RCAN1: variants seen among roughly 807,000 people sequenced by gnomAD.
RCAN1 encodes the protein calcipressin-1.
RCAN1 carries 11 observed loss-of-function variants against 22.9 expected under a neutral mutation model. The ratio of observed to expected loss-of-function variants is 0.48; its 90% CI spans 0.30 to 0.79. The LOEUF (loss-of-function observed/expected upper bound fraction) is 0.79, where lower values mean the gene tolerates loss of function less well. Ranked by LOEUF, RCAN1 falls within the 30% of genes least tolerant of loss-of-function variation. RCAN1 has a pLI of 0.06. For missense variants in RCAN1, 291 were observed against 337.8 expected (o/e 0.86, Z 1.09); for synonymous variants, 136 against 142.3 (o/e 0.96, Z 0.32).
chr21:34,570,969 C>G (rs185488436), intron 1 of RCAN1, among the ~76,000 whole-genome samples: 1 of 152,094 alleles, frequency 6.6e-6, no homozygotes, highest in Non-Finnish European at 1.5e-5. Flanking sequence ...TAAAAAGGAT[C>G]TGTTCTTAGA....
chr21:34,526,938 A>G, intron 1 of RCAN1: 1 of 1,404,726 alleles, frequency 7.1e-7, no homozygotes, highest in Non-Finnish European at 9.2e-7. Context: ...TTCCTGAGTC[A>G]AGTCCTGCAT....
chr21:34,570,554 A>G (rs1047839411), intron 1 of RCAN1, among the ~76,000 whole-genome samples: 11 of 152,272 alleles, frequency 7.2e-5, no homozygotes, highest in Middle Eastern at 3.4e-3. Flanking sequence ...CCACATATCC[A>G]TGCTGAGTGG....
intron 1 of RCAN1, among the ~76,000 whole-genome samples, chr21:34,572,856 G>C (rs577494044): frequency 2.1e-4 from 32 of 152,190 alleles, no homozygotes; most frequent in African/African-American, 7.7e-4. Flanking sequence ...CAGCAGGAGA[G>C]AGACAGTGAA....
At chr21:34,574,192 A>G (rs530170701) in intron 1 of RCAN1, among the ~76,000 whole-genome samples, 1 of 152,358 alleles carries the variant, frequency 6.6e-6, no homozygotes, top group Admixed American at 6.5e-5. Flanking sequence ...AGTCATTTGC[A>G]AGGGAGTGGA....
At chr21:34,563,327 A>G (rs1290593487) in intron 1 of RCAN1, among the ~76,000 whole-genome samples, 2 of 152,216 alleles carry the variant, frequency 1.3e-5, no homozygotes, top group African/African-American at 4.8e-5. Context: ...ACAAAATGCA[A>G]TCATATTTAT....
intron 1 of RCAN1, among the ~76,000 whole-genome samples, chr21:34,569,568 G>T (rs1299468692): frequency 2.0e-5 from 3 of 152,164 alleles, no homozygotes; most frequent in Non-Finnish European, 4.4e-5. Flanking sequence ...GCCTACCCTG[G>T]AGTCACTGCC....
chr21:34,524,265 C>T (rs932401304), intron 1 of RCAN1: 6 of 152,792 alleles, frequency 3.9e-5, no homozygotes, highest in Non-Finnish European at 7.3e-5. Context: ...GTTGCCAATA[C>T]ATAGACACTA....
intron 1 of RCAN1, among the ~76,000 whole-genome samples, chr21:34,580,497 G>A (rs186218197): frequency 2.0e-5 from 3 of 152,314 alleles, no homozygotes; most frequent in Admixed American, 2.0e-4. Context: ...CAGCTCACTT[G>A]CCCGGCTATT....
At chr21:34,545,727 A>T (rs1568899385) in intron 1 of RCAN1, among the ~76,000 whole-genome samples, 1 of 152,162 alleles carries the variant, frequency 6.6e-6, no homozygotes, top group Non-Finnish European at 1.5e-5. Context: ...CTCTCCCTAC[A>T]AATGCCAGCA....
At chr21:34,555,912 A>G (rs1230032710) in intron 1 of RCAN1, among the ~76,000 whole-genome samples, 1 of 151,550 alleles carries the variant, frequency 6.6e-6, no homozygotes, top group Non-Finnish European at 1.5e-5. Context: ...AAATACAAAA[A>G]ATTAGCCGGG....
At position 34,614,815 on chromosome 21, in the gene RCAN1, C is replaced by T. The variant is rs756064739; in HGVS notation, c.197G>A (p.Ser66Asn). The T allele has an allele frequency of 2.0e-6, 3 of 1,490,040 alleles. No homozygotes were observed. Among genetic ancestry groups the T allele is most frequent in the South Asian group, 1.2e-5 (1 of 81,006 alleles). 92.3% of individuals were successfully genotyped at this position (1,490,040 alleles called of 1,614,324 possible). A position where few individuals can be genotyped will look rare whatever the true frequency, so the allele number is the denominator to read the frequency against. Residue 66 changes from serine to asparagine, a missense_variant, in exon 1 of 4, where the codon AGC becomes AAC. Physicochemically the swap from Ser to Asn is conservative, Grantham distance 46 (BLOSUM62 1). Transcript: ENST00000313806. This position sits in a 1 kb window ranked among gnomAD's most constrained non-coding sequence, Gnocchi z 6.0. ...MEEVDLQDLP[S>N]ATIACHLDPR... ...GTCCAGGTGACAGGCGATGGTGGCG[C>T]TGGGCAGGTCCTGCAGGTCCACCTC...
At chr21:34,525,840 G>A (rs1195396708) in intron 1 of RCAN1, among the ~76,000 whole-genome samples, 1 of 152,122 alleles carries the variant, frequency 6.6e-6, no homozygotes, top group Non-Finnish European at 1.5e-5. Context: ...CTGCAATCTA[G>A]TCCAAACACT....
Position 34,567,270 on chromosome 21 carries a change from A to C in RCAN1, c.253-43560T>G, listed in dbSNP as rs1387931166. ...CAGCACTTTGGGAGGCCAAGGCGGG[A>C]GGATCAGGAGGTCAGGAGAATCGAG... On this transcript the variant is annotated intron_variant, in intron 1 of 3. Transcript: ENST00000313806. Among the ~76,000 whole-genome samples, 3 of 152,174 alleles carry C rather than the reference A, an allele frequency of 2.0e-5. No homozygotes were observed. The South Asian group carries it at 6.2e-4, about 32-fold the overall frequency.
rs1196558515 is a variant in RCAN1 at position 34,615,088 on chromosome 21, C to G, written c.-77G>C. The G allele has an allele frequency of 4.0e-6, 4 of 999,326 alleles. No homozygotes were observed. Among genetic ancestry groups the G allele is most frequent in the African/African-American group, 1.7e-5 (1 of 57,422 alleles). 61.9% of individuals were successfully genotyped at this position (999,326 alleles called of 1,614,324 possible). A position where few individuals can be genotyped will look rare whatever the true frequency, so the allele number is the denominator to read the frequency against. On this transcript the variant is annotated 5_prime_UTR_variant, in exon 1 of 4. Coordinates refer to ENST00000313806, the MANE Select transcript of RCAN1 (RefSeq NM_004414.7). ...CGCCGGAGCCTCACGCGCTCCGGTC[C>G]GCGCCCGGCCGGCGGCTCCGCCGTT...
At chr21:34,544,875 G>A (rs1986071161) in intron 1 of RCAN1, among the ~76,000 whole-genome samples, 1 of 152,240 alleles carries the variant, frequency 6.6e-6, no homozygotes, top group African/African-American at 2.4e-5. Context: ...GAGGGGTAGT[G>A]AGGGCACCTT....
chr21:34,542,491 C>T (rs55858526), intron 1 of RCAN1, among the ~76,000 whole-genome samples: 23,186 of 152,154 alleles, frequency 0.15, 2,464 homozygotes, highest in Non-Finnish European at 0.23. Context: ...TCCTCACTGG[C>T]AGCTGGTATT....
At chr21:34,523,435 C>G (rs569936158) in intron 2 of RCAN1, 102 bp downstream of exon 2, 21 of 1,134,914 alleles carry the variant, frequency 1.9e-5, no homozygotes, top group African/African-American at 7.8e-5. Context: ...GGTGAAGTCT[C>G]AGAGTTTCCG....
chr21:34,589,725 C>A (rs1255932129), intron 1 of RCAN1, among the ~76,000 whole-genome samples: 3 of 152,040 alleles, frequency 2.0e-5, no homozygotes, highest in Admixed American at 2.0e-4. Flanking sequence ...GAGTCTGCCC[C>A]CTTTTCCTGC....
intron 1 of RCAN1, among the ~76,000 whole-genome samples, chr21:34,580,478 A>G (rs1205883236): frequency 1.3e-5 from 2 of 152,220 alleles, no homozygotes; most frequent in East Asian, 1.9e-4. Flanking sequence ...CTGTGTTAAA[A>G]TATCACCACA....
Sources: allele counts gnomAD v4.1 joint callset (sites outside exome capture counted in the v4.1 genomes callset), GRCh38; gene constraint gnomAD v4.1.1; non-coding constraint Gnocchi (gnomAD v3.1); transcripts MANE v1.5; gene names NCBI Gene and HGNC (gene_info 2026-07-23, HGNC 2026-07-21).